RAB3GAP2: variants seen among roughly 807,000 people sequenced by gnomAD.
The protein encoded by RAB3GAP2 is rab3 GTPase-activating protein non-catalytic subunit.
Under a neutral mutation model 185.3 loss-of-function variants are expected in RAB3GAP2, and 87 were observed. The ratio of observed to expected loss-of-function variants is 0.47; its 90% CI spans 0.39 to 0.56. RAB3GAP2 has a LOEUF of 0.56. RAB3GAP2 is among the 20% of genes least tolerant of loss of function. The probability of loss-of-function intolerance (pLI) is 0.00; values close to 1 mark genes in which losing one functional copy is unlikely to be tolerated. For synonymous variants in RAB3GAP2, 554 were observed against 576.1 expected (o/e 0.96, Z 0.55); for missense variants, 1,492 against 1,638.2 (o/e 0.91, Z 1.54).
In RAB3GAP2 at chr1:220,185,633, C is replaced by G. The variant is rs765840077; in HGVS notation, c.1870+18G>C. ...TTGAGTTAAGAACATAACCTCCAAT[C>G]AGTACAAACCCTATTACCTTGACTT... is the stretch of plus-strand genomic sequence containing the variant. On this transcript the variant is annotated intron_variant, in intron 18 of 34. Transcript: ENST00000358951. The G allele has an allele frequency of 1.3e-6, 2 of 1,570,482 alleles. No individual in the cohort carries two copies. The highest frequency in any genetic ancestry group is 1.1e-5 in the South Asian group (1 of 90,012).
At chr1:220,210,041 G>C (rs1036322070) in intron 7 of RAB3GAP2, among the ~76,000 whole-genome samples, 13 of 152,008 alleles carry the variant, frequency 8.6e-5, no homozygotes, top group Non-Finnish European at 1.5e-5. Flanking sequence ...TTTACTCTGG[G>C]TAATTTTGGC....
intron 2 of RAB3GAP2, among the ~76,000 whole-genome samples, chr1:220,226,376 C>T (rs974201146): frequency 2.6e-5 from 4 of 151,934 alleles, no homozygotes; most frequent in Admixed American, 2.6e-4. Context: ...CCTCTAATTA[C>T]TTCTTTCTCA....
intron 1 of RAB3GAP2, among the ~76,000 whole-genome samples, chr1:220,265,180 AT>A (rs1256085911): frequency 6.6e-6 from 1 of 152,124 alleles, no homozygotes; most frequent in Non-Finnish European, 1.5e-5. Context: ...TTTACTACAT[AT>A]AAAAAATAGA....
chr1:220,266,549 T>C (rs181426640), intron 1 of RAB3GAP2: 2 of 692,102 alleles, frequency 2.9e-6, no homozygotes, highest in Non-Finnish European at 5.1e-6. Context: ...GCTTTCTGAG[T>C]AGGGAGGTTA....
At chr1:220,176,571 C>G (rs1213661021) in intron 21 of RAB3GAP2, among the ~76,000 whole-genome samples, 1 of 152,162 alleles carries the variant, frequency 6.6e-6, no homozygotes, top group Non-Finnish European at 1.5e-5. Context: ...CTAGTCTGCC[C>G]GCTAGCACTG....
chr1:220,232,671 A>C, intron 2 of RAB3GAP2, 128 bp downstream of exon 2: 1 of 864,356 alleles, frequency 1.2e-6, no homozygotes, highest in South Asian at 1.4e-5. Context: ...GTTAAGTACT[A>C]ATAAGTAAGC....
intron 21 of RAB3GAP2, among the ~76,000 whole-genome samples, chr1:220,176,568 G>T (rs2102861992): frequency 6.6e-6 from 1 of 152,316 alleles, no homozygotes; most frequent in East Asian, 1.9e-4. Context: ...AGGCTAGTCT[G>T]CCCGCTAGCA....
At chr1:220,154,127 T>C in intron 31 of RAB3GAP2, 70 bp from the exon 32 acceptor site, 1 of 1,583,608 alleles carries the variant, frequency 6.3e-7, no homozygotes, top group Non-Finnish European at 8.6e-7. Context: ...AAAGATTTGT[T>C]TAAAACTTAA....
intron 22 of RAB3GAP2, among the ~76,000 whole-genome samples, 180 bp from the exon 23 acceptor site, chr1:220,172,229 G>T (rs1177037687): frequency 1.3e-5 from 2 of 152,020 alleles, no homozygotes; most frequent in Admixed American, 6.6e-5. Context: ...ATTTATTTAT[G>T]ATCTTTTAGT....
intron 1 of RAB3GAP2, among the ~76,000 whole-genome samples, chr1:220,264,655 C>T (rs2102535335): frequency 6.6e-6 from 1 of 151,794 alleles, no homozygotes; most frequent in South Asian, 2.1e-4. Flanking sequence ...CTGAACACAT[C>T]CCACCCTCCC....
chr1:220,159,930 TCA>T (rs1273709065), intron 28 of RAB3GAP2, among the ~76,000 whole-genome samples: 3 of 151,890 alleles, frequency 2.0e-5, no homozygotes, highest in Admixed American at 2.0e-4. Flanking sequence ...GGCAGGGGAA[TCA>T]CTTGAACTCA....
Position 220,190,955 on chromosome 1 carries a change from T to C in RAB3GAP2, c.1487+113A>G, listed in dbSNP as rs979919978. The stretch of plus-strand genomic sequence containing the variant: ...ACAGGAAAAACCACAATAAAGAATA[T>C]TGTAATTCTCAAACTTGTAATCTAA... On this transcript the variant is annotated intron_variant, in intron 14 of 34. Transcript: ENST00000358951. The C allele has an allele frequency of 8.7e-6, 9 of 1,034,354 alleles. No homozygotes were observed. The African/African-American group carries it at 1.1e-4, about 13-fold the overall frequency. The allele number at this position is 1,034,354 out of a possible 1,614,324, so 64.1% of individuals were successfully genotyped here.
At chr1:220,245,893 C>T (rs970126091) in intron 1 of RAB3GAP2, among the ~76,000 whole-genome samples, 3 of 152,166 alleles carry the variant, frequency 2.0e-5, no homozygotes, top group African/African-American at 7.2e-5. Flanking sequence ...GGGAGGCACC[C>T]CCCAGCGGGG....
intron 1 of RAB3GAP2, among the ~76,000 whole-genome samples, chr1:220,255,450 C>A (rs1049340687): frequency 6.6e-6 from 1 of 152,154 alleles, no homozygotes; most frequent in African/African-American, 2.4e-5. Context: ...TGACAGAAGT[C>A]GGCTTCAGAA....
intron 27 of RAB3GAP2, among the ~76,000 whole-genome samples, chr1:220,162,826 C>T (rs988896951): frequency 2.0e-5 from 3 of 152,036 alleles, no homozygotes; most frequent in Non-Finnish European, 2.9e-5. Flanking sequence ...CAGCCAAACA[C>T]TAGAAACAAT....
At chr1:220,204,088 G>A (rs12025702) in intron 8 of RAB3GAP2, among the ~76,000 whole-genome samples, 12,329 of 152,110 alleles carry the variant, frequency 0.081, 681 homozygotes, top group African/African-American at 0.16. Context: ...GGTTGAGACG[G>A]CTTCCTGAAA....
chr1:220,192,515 A>G (rs1477893571), intron 13 of RAB3GAP2, among the ~76,000 whole-genome samples: 1 of 152,236 alleles, frequency 6.6e-6, no homozygotes, highest in East Asian at 1.9e-4. Flanking sequence ...TAGTTAAAAG[A>G]TATTTTCAAG....
chr1:220,191,254 T>A lies in RAB3GAP2; in HGVS notation c.1301A>T (p.Gln434Leu). 6.2e-7 allele frequency: 1 copy of A among 1,611,606 alleles called. No individual in the cohort carries two copies. Among genetic ancestry groups the A allele is most frequent in the Non-Finnish European group, 8.5e-7 (1 of 1,179,738 alleles). Residue 434 changes from glutamine to leucine, a missense_variant, in exon 14 of 35, where the codon CAA (glutamine) becomes CTA (leucine). Physicochemically the swap from Gln to Leu is moderately radical, Grantham distance 113 (BLOSUM62 -2). Around this residue, in one of 5 missense-constraint regions of RAB3GAP2, gnomAD observed 681 missense variants for 689.1 expected, o/e 0.99. Coordinates refer to ENST00000358951, the MANE Select transcript of RAB3GAP2 (RefSeq NM_012414.4). ...GYRDAQIGWI[Q>L]TVEDLHERVP... ...TCTTTCATGGAGGTCCTCTACAGTT[T>A]GAATCCATCCAATTTGTGCGTCGCG... is the stretch of plus-strand genomic sequence containing the variant.
At chr1:220,267,121 G>A in intron 1 of RAB3GAP2, 3 of 1,394,580 alleles carry the variant, frequency 2.2e-6, no homozygotes, top group Middle Eastern at 1.8e-4. Flanking sequence ...CTCTCCAGCT[G>A]ATCCAAGAAG....
Sources: allele counts gnomAD v4.1 joint callset (sites outside exome capture counted in the v4.1 genomes callset), GRCh38; gene constraint gnomAD v4.1.1; regional missense constraint gnomAD v4.1.1; transcripts MANE v1.5; gene names NCBI Gene and HGNC (gene_info 2026-07-23, HGNC 2026-07-21).